Variants in RNF130 observed in about 807,000 individuals in gnomAD.
RNF130 encodes the protein ring finger protein 130.
RNF130 carries 21 observed loss-of-function variants against 44.6 expected under a neutral mutation model. The observed-to-expected ratio is 0.47, with a 90% CI of 0.33 to 0.68. The LOEUF is 0.68. RNF130 is among the 30% of genes least tolerant of loss of function. RNF130 has a pLI of 0.02. For missense variants in RNF130, 479 were observed against 560.6 expected, an observed-to-expected ratio of 0.85 and a Z score of 1.47; for synonymous variants, 214 against 210.4, an observed-to-expected ratio of 1.02 and a Z score of -0.15.
intron 7 of RNF130, among the ~76,000 whole-genome samples, chr5:179,928,680 G>C (rs1761744418): frequency 6.6e-6 from 1 of 150,570 alleles, no homozygotes; most frequent in Admixed American, 6.6e-5. Flanking sequence ...CCAGGCTGGA[G>C]TGCAGTGGTG....
intron 1 of RNF130, among the ~76,000 whole-genome samples, chr5:180,044,056 T>C (rs980059199): frequency 6.6e-6 from 1 of 152,238 alleles, no homozygotes; most frequent in African/African-American, 2.4e-5. Context: ...AATTAAGTAG[T>C]ATTACTCCAA....
At chr5:180,055,421 A>C (rs1764792227) in intron 1 of RNF130, among the ~76,000 whole-genome samples, 1 of 93,840 alleles carries the variant, frequency 1.1e-5, no homozygotes, top group African/African-American at 4.3e-5. Context: ...GCTTTCCTCA[A>C]CCTGAATGTC....
chr5:179,928,178 A>G (rs1334781836), intron 7 of RNF130, among the ~76,000 whole-genome samples: 1 of 152,058 alleles, frequency 6.6e-6, no homozygotes, highest in Non-Finnish European at 1.5e-5. Context: ...TCTTTTGTAC[A>G]CATGGACATG....
At chr5:180,014,301 C>T (rs571915271) in intron 2 of RNF130, among the ~76,000 whole-genome samples, 1 of 152,338 alleles carries the variant, frequency 6.6e-6, no homozygotes, top group Admixed American at 6.5e-5. Context: ...TAACTTCCCA[C>T]TGTCTTTTAA....
chr5:180,065,739 G>A lies in RNF130; in HGVS notation c.247+5717C>T, dbSNP rs6869040. Reference sequence around the variant, plus strand: ...CATGCCACTGCATTCTAGCCTGGGCGACAGAGTGAGACTCTGTCTCAAAAA... The same window carrying A: ...CATGCCACTGCATTCTAGCCTGGGCAACAGAGTGAGACTCTGTCTCAAAAA... On this transcript the variant is annotated intron_variant, in intron 1 of 8. Coordinates refer to ENST00000521389, the MANE Select transcript of RNF130 (RefSeq NM_018434.6). 8.6e-3 allele frequency among the ~76,000 whole-genome samples: 1,272 copies of A among 148,204 alleles called. 19 individuals carry two copies. The highest frequency in any genetic ancestry group is 0.028 in the African/African-American group (1,122 of 40,172).
intron 7 of RNF130, among the ~76,000 whole-genome samples, chr5:179,922,377 A>G (rs1209591231): frequency 6.6e-6 from 1 of 151,970 alleles, no homozygotes; most frequent in Non-Finnish European, 1.5e-5. Context: ...CAATGGCGCC[A>G]TCTCGGCTCA....
chr5:180,034,202 G>T (rs1358743262), intron 2 of RNF130, among the ~76,000 whole-genome samples: 1 of 146,792 alleles, frequency 6.8e-6, no homozygotes, highest in African/African-American at 2.6e-5. Flanking sequence ...ATTTTCAGAT[G>T]TAAAAAAAAA....
chr5:180,008,070 A>G (rs1763503541), intron 3 of RNF130, among the ~76,000 whole-genome samples: 1 of 149,634 alleles, frequency 6.7e-6, no homozygotes, highest in Admixed American at 6.7e-5. Flanking sequence ...CCCTCAAGAC[A>G]TGAGAAACGG....
intron 1 of RNF130, among the ~76,000 whole-genome samples, chr5:180,041,616 A>G (rs1278629863): frequency 6.6e-6 from 1 of 152,282 alleles, no homozygotes; most frequent in Middle Eastern, 3.4e-3. Flanking sequence ...CCAGAAGGGG[A>G]GAGAAGTCAC....
chr5:179,937,628 G>A (rs535784968), intron 7 of RNF130, among the ~76,000 whole-genome samples: 3 of 152,252 alleles, frequency 2.0e-5, no homozygotes, highest in East Asian at 1.9e-4. Flanking sequence ...TTTAGCCATT[G>A]TGTAAAAGAG....
chr5:180,053,301 C>T (rs1156865586), intron 1 of RNF130, among the ~76,000 whole-genome samples: 1 of 151,948 alleles, frequency 6.6e-6, no homozygotes. Flanking sequence ...AACAGCTGCC[C>T]GAACCCAATG....
intron 3 of RNF130, among the ~76,000 whole-genome samples, chr5:180,006,026 T>C (rs558481122): frequency 2.0e-4 from 31 of 152,344 alleles, no homozygotes; most frequent in African/African-American, 7.2e-4. Context: ...AAAAGTGTTA[T>C]TTATTTACAA....
chr5:180,015,198 T>C (rs1582189974), intron 2 of RNF130: 1 of 335,442 alleles, frequency 3.0e-6, no homozygotes, highest in Admixed American at 2.9e-5. Context: ...GAAATAAGAG[T>C]TGTGATCAGT....
chr5:180,030,008 C>T (rs189394011), intron 2 of RNF130, among the ~76,000 whole-genome samples: 4 of 145,776 alleles, frequency 2.7e-5, no homozygotes, highest in East Asian at 4.1e-4. Flanking sequence ...CCACCACGCC[C>T]GGCTAATTTT....
intron 1 of RNF130, among the ~76,000 whole-genome samples, chr5:180,062,112 T>C (rs764957587): frequency 6.7e-6 from 1 of 149,752 alleles, no homozygotes; most frequent in Non-Finnish European, 1.5e-5. Context: ...TGGAGTGCAG[T>C]GGCACGACCT....
chr5:179,928,918 C>T (rs1234072616), intron 7 of RNF130, among the ~76,000 whole-genome samples: 11 of 152,234 alleles, frequency 7.2e-5, no homozygotes, highest in Middle Eastern at 3.4e-3. Context: ...CGTGAGCCAC[C>T]GCACCTGGCC....
At chr5:180,034,761 T>G (rs1764210186) in intron 2 of RNF130, among the ~76,000 whole-genome samples, 2 of 152,322 alleles carry the variant, frequency 1.3e-5, no homozygotes, top group Non-Finnish European at 2.9e-5. Flanking sequence ...TCACTGTGAG[T>G]GTGACTATGT....
intron 1 of RNF130, among the ~76,000 whole-genome samples, chr5:180,059,598 G>GCAAA (rs1238141067): frequency 5.6e-4 from 85 of 152,306 alleles, no homozygotes; most frequent in Non-Finnish European, 1.1e-3. Flanking sequence ...ATGAGAAGGT[G>GCAAA]CATCACTGAC....
chr5:179,951,559 A>G (rs1762126711), downstream of RNF130, among the ~76,000 whole-genome samples: 1 of 151,972 alleles, frequency 6.6e-6, no homozygotes, highest in African/African-American at 2.4e-5. Context: ...AATTTTTTGT[A>G]TTTTTAGTAG....
Sources: gnomAD v4.1 joint callset for allele counts (sites outside exome capture counted in the v4.1 genomes callset) on GRCh38, gnomAD v4.1.1 for gene constraint, MANE v1.5 for transcripts, NCBI Gene and HGNC (gene_info 2026-07-23, HGNC 2026-07-21) for gene names.